The following TCF4 variants were observed in gnomAD, a reference collection of about 807,000 sequenced individuals.
TCF4 encodes SL3-3 enhancer factor 2.
Under a neutral mutation model 82.1 loss-of-function variants are expected in TCF4, and 3 were observed. The observed-to-expected ratio is 0.04, with a 90% CI of 0.02 to 0.09. The LOEUF (loss-of-function observed/expected upper bound fraction) is 0.09, where lower values mean the gene tolerates loss of function less well. Among genes scored for constraint, TCF4 ranks in the 10% least tolerant of loss-of-function variants. TCF4 has a pLI of 1.00. For missense variants in TCF4, 518 were observed against 852.7 expected, an observed-to-expected ratio of 0.61 and a Z score of 4.89; for synonymous variants, 276 against 309.6, an observed-to-expected ratio of 0.89 and a Z score of 1.14.
At chr18:55,251,930 G>GTTTTTGTT (rs1568456125) in intron 15 of TCF4, among the ~76,000 whole-genome samples, 1 of 101,272 alleles carries the variant, frequency 9.9e-6, no homozygotes, top group Non-Finnish European at 2.0e-5. Flanking sequence ...GGGGGATGAG[G>GTTTTTGTT]TTTTTTTTTT....
At chr18:55,267,907 C>T (rs1012236306) in intron 11 of TCF4, 2 of 152,044 alleles carry the variant, frequency 1.3e-5, no homozygotes, top group African/African-American at 2.4e-5. Context: ...TAAGTCTATT[C>T]TCAGCATATA....
At chr18:55,265,645 CAA>C (rs1196242138) in intron 11 of TCF4, 5 of 152,022 alleles carry the variant, frequency 3.3e-5, no homozygotes, top group African/African-American at 1.2e-4. Flanking sequence ...CTTCAAGGCT[CAA>C]TATTCTTGTA....
chr18:55,404,076 T>C, intron 5 of TCF4: 1 of 1,105,092 alleles, frequency 9.0e-7, no homozygotes. Flanking sequence ...GAATTTACAT[T>C]TGGGAAACAG....
At chr18:55,311,528 A>G (rs1025703510) in intron 8 of TCF4, among the ~76,000 whole-genome samples, 6 of 152,234 alleles carry the variant, frequency 3.9e-5, no homozygotes, top group Non-Finnish European at 8.8e-5. Context: ...GTCAGCAACA[A>G]ATATCCACTT....
chr18:55,233,386 G>A (rs964672460), intron 16 of TCF4, among the ~76,000 whole-genome samples: 8 of 152,084 alleles, frequency 5.3e-5, no homozygotes, highest in Non-Finnish European at 7.4e-5. Flanking sequence ...CATCATCTGT[G>A]AGCCCATTAG....
chr18:55,589,721 C>T (rs2097680199), upstream of TCF4: 1 of 1,027,262 alleles, frequency 9.7e-7, no homozygotes, highest in Non-Finnish European at 1.2e-6. Flanking sequence ...TCACCATGGA[C>T]TCCCCCGTGG....
chr18:55,458,409 T>C (rs2095808147), intron 5 of TCF4, among the ~76,000 whole-genome samples: 1 of 152,246 alleles, frequency 6.6e-6, no homozygotes, highest in South Asian at 2.1e-4. Flanking sequence ...GGTCACAACA[T>C]GGGCTCTGGG....
chr18:55,403,319 TAAAG>T (rs905138225), intron 6 of TCF4, 131 bp downstream of exon 6: 9 of 976,466 alleles, frequency 9.2e-6, no homozygotes, highest in African/African-American at 3.2e-5. Flanking sequence ...TTTCATTACT[TAAAG>T]AGAGAGCCAT....
intron 3 of TCF4, among the ~76,000 whole-genome samples, chr18:55,468,889 C>CA (rs1480887300): frequency 5.5e-5 from 7 of 126,698 alleles, no homozygotes; most frequent in Admixed American, 3.1e-4. Flanking sequence ...TCGCCCCCCC[C>CA]CCCCTTGTTC....
At chr18:55,234,344 A>C in intron 16 of TCF4, 1 of 671,876 alleles carries the variant, frequency 1.5e-6, no homozygotes, top group Non-Finnish European at 2.5e-6. Flanking sequence ...ATTTCAGAGG[A>C]TGTTTGAGGA....
intron 3 of TCF4, among the ~76,000 whole-genome samples, chr18:55,493,684 TAA>T (rs2096599140): frequency 6.6e-6 from 1 of 152,192 alleles, no homozygotes. Flanking sequence ...ATTGTTTACT[TAA>T]GTTTGTGTAA....
intron 15 of TCF4, among the ~76,000 whole-genome samples, chr18:55,239,973 A>C (rs980726628): frequency 1.3e-5 from 2 of 152,206 alleles, no homozygotes; most frequent in Admixed American, 1.3e-4. Context: ...AATCCTAGTT[A>C]ATGTTATCTC....
chr18:55,234,729 G>A, intron 15 of TCF4, 46 bp from the exon 16 acceptor site: 1 of 1,613,182 alleles, frequency 6.2e-7, no homozygotes, highest in Non-Finnish European at 8.5e-7. Flanking sequence ...AACCGGAGGT[G>A]CGACAGCTAT....
intron 2 of TCF4, among the ~76,000 whole-genome samples, chr18:55,629,526 A>T (rs2097729639): frequency 6.6e-6 from 1 of 152,228 alleles, no homozygotes; most frequent in Non-Finnish European, 1.5e-5. Context: ...GGGTGCTAAA[A>T]TACAACAAAC....
chr18:55,228,452 T>C, intron 18 of TCF4, 91 bp from the exon 19 acceptor site: 1 of 1,540,362 alleles, frequency 6.5e-7, no homozygotes, highest in Non-Finnish European at 8.9e-7. Context: ...CTGACCTTTT[T>C]CTCAGTGTTT....
chr18:55,269,757 G>T, intron 11 of TCF4, 74 bp downstream of exon 11: 1 of 1,590,202 alleles, frequency 6.3e-7, no homozygotes, highest in South Asian at 1.1e-5. Flanking sequence ...AGTTATGAAA[G>T]GGAAAAAGAG....
intron 1 of TCF4, among the ~76,000 whole-genome samples, chr18:55,632,545 A>G (rs899167626): frequency 3.3e-5 from 5 of 152,238 alleles, no homozygotes; most frequent in Non-Finnish European, 5.9e-5. Flanking sequence ...ACCCAGGTTT[A>G]GGCTCAAGGT....
intron 13 of TCF4, 36 bp from the exon 14 acceptor site, chr18:55,257,427 C>A: frequency 6.2e-7 from 1 of 1,604,510 alleles, no homozygotes. Context: ...CAGATCTAGA[C>A]ACATGTAAAA....
chr18:55,484,330 T>C (rs1017684099), intron 3 of TCF4, among the ~76,000 whole-genome samples: 1 of 152,208 alleles, frequency 6.6e-6, no homozygotes, highest in East Asian at 1.9e-4. Context: ...TTAAATTCAT[T>C]TTCATAGACT....
Sources: gnomAD v4.1 joint callset for allele counts (sites outside exome capture counted in the v4.1 genomes callset) on GRCh38, gnomAD v4.1.1 for gene constraint, MANE v1.5 for transcripts, NCBI Gene and HGNC (gene_info 2026-07-23, HGNC 2026-07-21) for gene names.